GSE1: variants seen among roughly 807,000 people sequenced by gnomAD.
GSE1 encodes the protein genetic suppressor element 1.
In GSE1, 32 loss-of-function variants were observed where a neutral mutation model predicts 112.6. The observed-to-expected ratio is 0.28, with a 90% CI of 0.21 to 0.38. The LOEUF is 0.38. Ranked by LOEUF, GSE1 falls within the 10% of genes least tolerant of loss-of-function variation. The pLI, the probability that GSE1 is intolerant of heterozygous loss-of-function variation, is 1.00. For synonymous variants in GSE1, 1,115 were observed against 735.6 expected (o/e 1.52, Z -8.35); for missense variants, 2,348 against 1,699.2 (o/e 1.38, Z -6.71).
At chr16:85,334,153 C>A (rs938513912) in intron 1 of GSE1, among the ~76,000 whole-genome samples, 1 of 152,204 alleles carries the variant, frequency 6.6e-6, no homozygotes, top group Non-Finnish European at 1.5e-5. Flanking sequence ...CCTCGTCCCA[C>A]ACATGATGCT....
chr16:85,260,802 G>A (rs1907607765), intron 1 of GSE1, among the ~76,000 whole-genome samples: 1 of 152,198 alleles, frequency 6.6e-6, no homozygotes, highest in Non-Finnish European at 1.5e-5. Context: ...TGTACTGGGA[G>A]CCCCCACCCC....
rs1177377998 is a variant in GSE1 at position 85,357,671 on chromosome 16, G to C, written c.2464+28G>C. 1.3e-5 allele frequency: 16 copies of C among 1,275,278 alleles called. 1 individual carries two copies. Among genetic ancestry groups the C allele is most frequent in the Middle Eastern group, 2.1e-4 (1 of 4,684 alleles). The allele number at this position is 1,275,278 out of a possible 1,614,324, so 79.0% of individuals were successfully genotyped here. On this transcript the variant is annotated intron_variant, in intron 2 of 2. Transcript: ENST00000637419. ...AGACGCCAGCTCTTTTTGTATCTCT[G>C]GGTACTGGGCTGGGATGCGGTTGTC...
chr16:85,411,081 C>A, intron 2 of GSE1, among the ~76,000 whole-genome samples: 1 of 44,732 alleles, frequency 2.2e-5, no homozygotes, highest in African/African-American at 7.9e-5. Flanking sequence ...CACTCAGGGT[C>A]CCCCGGATAA....
intron 1 of GSE1, among the ~76,000 whole-genome samples, chr16:85,277,831 G>C (rs1173950529): frequency 6.6e-6 from 1 of 152,232 alleles, no homozygotes; most frequent in Non-Finnish European, 1.5e-5. Flanking sequence ...GCCTGTGGCA[G>C]ACCCCAGGCC....
At chr16:85,190,656 C>G (rs549000181) in intron 1 of GSE1, among the ~76,000 whole-genome samples, 22 of 152,404 alleles carry the variant, frequency 1.4e-4, no homozygotes, top group African/African-American at 5.0e-4. Context: ...TCCAACTTAG[C>G]CTGTCAGAGG....
At chr16:85,566,756 C>T (rs571901111) in intron 1 of GSE1, among the ~76,000 whole-genome samples, 49 of 152,322 alleles carry the variant, frequency 3.2e-4, no homozygotes, top group African/African-American at 5.5e-4. Flanking sequence ...TAACTTCTGT[C>T]GTCTTGGTAA....
intron 1 of GSE1, among the ~76,000 whole-genome samples, chr16:85,243,385 T>C (rs57492763): frequency 6.7e-6 from 1 of 148,868 alleles, no homozygotes; most frequent in African/African-American, 2.4e-5. Context: ...GCAGTGGGGC[T>C]TACCCCAAAC....
chr16:85,396,655 C>T (rs561169830), intron 2 of GSE1, among the ~76,000 whole-genome samples: 164 of 152,332 alleles, frequency 1.1e-3, no homozygotes, highest in Non-Finnish European at 1.6e-3. Flanking sequence ...CAGTTCAGGA[C>T]GTTCAGGCCA....
At chr16:85,542,000 A>G (rs1309078117) in intron 2 of GSE1, among the ~76,000 whole-genome samples, 3 of 152,216 alleles carry the variant, frequency 2.0e-5, no homozygotes, top group Admixed American at 6.5e-5. Context: ...AGAAGGCAGT[A>G]TAAAGGGTGG....
intron 1 of GSE1, among the ~76,000 whole-genome samples, chr16:85,199,839 C>T (rs1435982487): frequency 6.6e-6 from 1 of 152,050 alleles, no homozygotes; most frequent in Admixed American, 6.5e-5. Context: ...AAGGTGGCTT[C>T]CAGAGGCTGG....
In GSE1 at chr16:85,630,559, C is replaced by T. The variant is rs72801188; in HGVS notation, c.8-3355C>T. On this transcript the variant is annotated intron_variant, in intron 1 of 15. Coordinates refer to ENST00000253458, the MANE Select transcript of GSE1 (RefSeq NM_014615.5). The stretch of plus-strand genomic sequence containing the variant: ...TTTGAACTCCTGGCCTCACGCAGTC[C>T]TCCCACCTCACCCTCCTACTTACCT... Among the ~76,000 whole-genome samples, 753 of 152,344 alleles carry T rather than the reference C, an allele frequency of 4.9e-3. 4 individuals are homozygous for T. Among genetic ancestry groups the T allele is most frequent in the Non-Finnish European group, 7.1e-3 (485 of 68,040 alleles).
chr16:85,604,914 T>C (rs562813173), intron 1 of GSE1, among the ~76,000 whole-genome samples: 1 of 115,906 alleles, frequency 8.6e-6, no homozygotes, highest in Non-Finnish European at 1.7e-5. Flanking sequence ...GCCTCCCGGG[T>C]TCACGCCATT....
rs1555569967 is a variant in GSE1 at position 85,361,138 on chromosome 16, C to CCCA, written c.2464+3496_2464+3497insCAC. Among the ~76,000 whole-genome samples the CCCA allele has an allele frequency of 1.5e-4, 17 of 117,016 alleles. 1 individual carries two copies. Among genetic ancestry groups the CCCA allele is most frequent in the Non-Finnish European group, 2.0e-4 (11 of 55,408 alleles). 76.8% of individuals were successfully genotyped at this position (117,016 alleles called of 152,430 possible). A position where few individuals can be genotyped will look rare whatever the true frequency, so the allele number is the denominator to read the frequency against. On this transcript the variant is annotated intron_variant, in intron 2 of 2. Transcript: ENST00000637419. ...AGACAGAGACAGGCACAGACCCCCC[C>CCCA]CACACAAACACACAGACACACACAG...
intron 2 of GSE1, among the ~76,000 whole-genome samples, chr16:85,511,788 G>C (rs1328566256): frequency 6.6e-6 from 1 of 152,202 alleles, no homozygotes; most frequent in Non-Finnish European, 1.5e-5. Context: ...AACTCCAGGA[G>C]CTGGAAGAGG....
At chr16:85,403,998 C>G (rs1001589164) in intron 2 of GSE1, among the ~76,000 whole-genome samples, 1 of 132,136 alleles carries the variant, frequency 7.6e-6, no homozygotes, top group African/African-American at 3.0e-5. Flanking sequence ...GGCATCTTCA[C>G]CTCCCTCTCT....
chr16:85,214,378 CAAG>C (rs148012927), intron 1 of GSE1, among the ~76,000 whole-genome samples: 4,127 of 152,256 alleles, frequency 0.027, 147 homozygotes, highest in African/African-American at 0.088. Flanking sequence ...GATGTCCTCA[CAAG>C]AAGAAGGAGA....
chr16:85,653,900 G>T (rs991720601), intron 3 of GSE1, among the ~76,000 whole-genome samples: 1 of 152,174 alleles, frequency 6.6e-6, no homozygotes, highest in African/African-American at 2.4e-5. Context: ...GCTTCCCCGG[G>T]TGTGTGTCTG....
At chr16:85,501,891 G>C (rs1376476290) in intron 2 of GSE1, among the ~76,000 whole-genome samples, 3 of 152,328 alleles carry the variant, frequency 2.0e-5, no homozygotes, top group South Asian at 2.1e-4. Flanking sequence ...CTTCACACGA[G>C]TAATTTTATT....
At chr16:85,650,278 C>T (rs951407830) in intron 3 of GSE1, among the ~76,000 whole-genome samples, 5 of 151,772 alleles carry the variant, frequency 3.3e-5, no homozygotes, top group Admixed American at 6.6e-5. Flanking sequence ...CTCCAGAGGC[C>T]GCCCCCCAGG....
Sources: gnomAD v4.1 joint callset for allele counts (sites outside exome capture counted in the v4.1 genomes callset) on GRCh38, gnomAD v4.1.1 for gene constraint, MANE v1.5 for transcripts, NCBI Gene and HGNC (gene_info 2026-07-23, HGNC 2026-07-21) for gene names.